LCLAT1: variants seen among roughly 807,000 people sequenced by gnomAD.
The protein encoded by LCLAT1 is 1-AGP acyltransferase 8.
In LCLAT1, 11 loss-of-function variants were observed where a neutral mutation model predicts 30.7. That is an observed-to-expected ratio of 0.36 (90% CI 0.23 to 0.59). LCLAT1 has a LOEUF of 0.59. LCLAT1 is among the 20% of genes least tolerant of loss of function. The pLI is 0.77. For synonymous variants in LCLAT1, 155 were observed against 151.3 expected, an observed-to-expected ratio of 1.02 and a Z score of -0.18; for missense variants, 402 against 458.6, an observed-to-expected ratio of 0.88 and a Z score of 1.13.
intron 5 of LCLAT1, among the ~76,000 whole-genome samples, chr2:30,568,696 A>AT (rs1665628756): frequency 6.7e-6 from 1 of 150,314 alleles, no homozygotes; most frequent in Non-Finnish European, 1.5e-5. Context: ...TTCAGTAGAG[A>AT]GGGGGTTTCA....
At chr2:30,567,991 G>A (rs1294020805) in intron 4 of LCLAT1, 69 bp from the exon 5 acceptor site, 2 of 760,034 alleles carry the variant, frequency 2.6e-6, no homozygotes, top group East Asian at 5.3e-5. Context: ...AAAAAATTCT[G>A]CACTTCTTTC....
chr2:30,565,690 A>G (rs1665452251), intron 4 of LCLAT1, among the ~76,000 whole-genome samples: 1 of 152,182 alleles, frequency 6.6e-6, no homozygotes, highest in Non-Finnish European at 1.5e-5. Context: ...CACGAAGTTT[A>G]CGTTCTGTGA....
intron 3 of LCLAT1, among the ~76,000 whole-genome samples, chr2:30,559,160 G>A (rs1665078709): frequency 6.6e-6 from 1 of 152,162 alleles, no homozygotes; most frequent in African/African-American, 2.4e-5. Context: ...TTAGAAGTTG[G>A]AGTATTGGTT....
At chr2:30,578,585 C>T (rs1666085724) in intron 5 of LCLAT1, among the ~76,000 whole-genome samples, 1 of 152,234 alleles carries the variant, frequency 6.6e-6, no homozygotes, top group East Asian at 1.9e-4. Flanking sequence ...AGTGCCTTTT[C>T]TAGGCACAGT....
intron 3 of LCLAT1, among the ~76,000 whole-genome samples, chr2:30,558,375 G>A (rs747890056): frequency 5.9e-5 from 9 of 152,138 alleles, no homozygotes; most frequent in Non-Finnish European, 1.3e-4. Context: ...CTAAGCAGGT[G>A]GATCACCTGA....
At chr2:30,629,385 C>A (rs1049665730) in intron 5 of LCLAT1, among the ~76,000 whole-genome samples, 1 of 152,106 alleles carries the variant, frequency 6.6e-6, no homozygotes, top group East Asian at 1.9e-4. Context: ...CGTGGCGAAA[C>A]CCTGTCTCTA....
At chr2:30,550,396 C>T (rs1664627929) in intron 3 of LCLAT1, among the ~76,000 whole-genome samples, 1 of 152,196 alleles carries the variant, frequency 6.6e-6, no homozygotes. Flanking sequence ...GAGAATACCA[C>T]CTTGCTTTTT....
chr2:30,558,746 A>G (rs1271369192), intron 3 of LCLAT1, among the ~76,000 whole-genome samples: 1 of 152,204 alleles, frequency 6.6e-6, no homozygotes, highest in African/African-American at 2.4e-5. Context: ...CTGAACGATC[A>G]TACATTTTCA....
rs544758362 is a variant in LCLAT1, at chr2:30,602,795, A to G, written c.628+34619A>G. Among the ~76,000 whole-genome samples, 141 of 152,150 alleles carry G rather than the reference A, an allele frequency of 9.3e-4. 1 individual carries two copies. The highest frequency in any genetic ancestry group is 3.1e-3 in the African/African-American group (129 of 41,508). ...GACAGCAGGTTGATCCTGGAGTGCT[A>G]CTCTTCACACTAGCTCAGTATTAGC... On this transcript the variant is annotated intron_variant, in intron 5 of 5. Transcript: ENST00000379509.
chr2:30,485,563 TG>T lies in LCLAT1; in HGVS notation c.-5+38181del, dbSNP rs549639400. Reference sequence around the variant, plus strand: ...AATAGTTGCTCTTAAGTGTTCTTTTTGTTTAAGATTTAAATTTAACACTTTT... The same window carrying T: ...AATAGTTGCTCTTAAGTGTTCTTTTTTTTAAGATTTAAATTTAACACTTTT... On this transcript the variant is annotated intron_variant, in intron 1 of 5. Transcript: ENST00000379509. 6.7e-3 allele frequency among the ~76,000 whole-genome samples: 1,012 copies of T among 152,094 alleles called. 10 individuals carry two copies. The highest frequency in any genetic ancestry group is 0.023 in the African/African-American group (959 of 41,498).
chr2:30,461,320 G>A (rs1682115079), intron 1 of LCLAT1, among the ~76,000 whole-genome samples: 2 of 152,290 alleles, frequency 1.3e-5, no homozygotes, highest in South Asian at 2.1e-4. Flanking sequence ...AGGCATTGTG[G>A]TATGTGCGCT....
At chr2:30,482,329 C>A (rs1314882544) in intron 1 of LCLAT1, among the ~76,000 whole-genome samples, 1 of 152,066 alleles carries the variant, frequency 6.6e-6, no homozygotes, top group Non-Finnish European at 1.5e-5. Flanking sequence ...GCACTGGCTA[C>A]AACTTAATCC....
chr2:30,586,946 A>G (rs998879893), intron 5 of LCLAT1, among the ~76,000 whole-genome samples: 2 of 152,272 alleles, frequency 1.3e-5, no homozygotes, highest in African/African-American at 4.8e-5. Flanking sequence ...TCAGATATAA[A>G]CTTCTTGGAA....
chr2:30,621,807 G>A (rs945292786), intron 5 of LCLAT1, among the ~76,000 whole-genome samples: 3 of 152,160 alleles, frequency 2.0e-5, no homozygotes, highest in African/African-American at 7.2e-5. Flanking sequence ...GGTCCTTGGG[G>A]AGGACTGCCA....
intron 1 of LCLAT1, among the ~76,000 whole-genome samples, chr2:30,513,833 G>A (rs759282704): frequency 6.6e-5 from 10 of 152,172 alleles, no homozygotes; most frequent in East Asian, 1.9e-4. Flanking sequence ...CCTGCTTCGA[G>A]TTGTCCCGCC....
intron 5 of LCLAT1, among the ~76,000 whole-genome samples, chr2:30,614,786 G>A (rs888922186): frequency 9.2e-5 from 14 of 152,196 alleles, no homozygotes; most frequent in African/African-American, 3.1e-4. Flanking sequence ...AATGAGTGTG[G>A]ATGGAGAAGA....
At chr2:30,461,805 C>G (rs1682150014) in intron 1 of LCLAT1, among the ~76,000 whole-genome samples, 1 of 118,958 alleles carries the variant, frequency 8.4e-6, no homozygotes, top group Non-Finnish European at 1.8e-5. Context: ...GAGTCTCGCT[C>G]TGTCGCCCAG....
rs1219618649 is a variant in LCLAT1, at chr2:30,642,991, C to G, written c.*2372C>G. The G allele has an allele frequency of 4.8e-5, 1 of 20,902 alleles. No homozygotes were observed. The highest frequency in any genetic ancestry group is 8.2e-5 in the Non-Finnish European group (1 of 12,166). 1.3% of individuals were successfully genotyped at this position (20,902 alleles called of 1,614,324 possible). On this transcript the variant is annotated 3_prime_UTR_variant, in exon 6 of 6. Coordinates refer to ENST00000379509, the MANE Select transcript of LCLAT1 (RefSeq NM_001002257.3). ...TTCTTCTTTGATTTAAAAAAATTAA[C>G]TATACAGTTAATGGTTTAGAACTTA...
intron 5 of LCLAT1, among the ~76,000 whole-genome samples, chr2:30,611,366 CAG>C (rs1459621653): frequency 6.6e-6 from 1 of 152,026 alleles, no homozygotes; most frequent in Non-Finnish European, 1.5e-5. Flanking sequence ...TCCCAGAGAA[CAG>C]AGAGTGTGTG....
Sources: allele counts gnomAD v4.1 joint callset (sites outside exome capture counted in the v4.1 genomes callset), GRCh38; gene constraint gnomAD v4.1.1; transcripts MANE v1.5; gene names NCBI Gene and HGNC (gene_info 2026-07-23, HGNC 2026-07-21).